Variants in PRKD1 observed in about 807,000 individuals in gnomAD.
The protein encoded by PRKD1 is serine/threonine-protein kinase D1.
A neutral mutation model predicts 95.9 loss-of-function variants in PRKD1; 63 were observed. The observed-to-expected ratio is 0.66, with a 90% CI of 0.54 to 0.81. The LOEUF is 0.81. Among genes scored for constraint, PRKD1 ranks in the 30% least tolerant of loss-of-function variants. The pLI is 0.00. For synonymous variants in PRKD1, 425 were observed against 423.1 expected, an observed-to-expected ratio of 1.00 and a Z score of -0.05; for missense variants, 1,048 against 1,165.3, an observed-to-expected ratio of 0.90 and a Z score of 1.47.
intron 1 of PRKD1, among the ~76,000 whole-genome samples, chr14:29,849,700 G>T (rs1188610603): frequency 6.6e-6 from 1 of 151,342 alleles, no homozygotes; most frequent in African/African-American, 2.4e-5. Context: ...TAGAGGCAAA[G>T]AACTCTATCC....
intron 2 of PRKD1, among the ~76,000 whole-genome samples, chr14:29,674,075 T>G (rs1445506466): frequency 1.3e-5 from 2 of 151,698 alleles, no homozygotes; most frequent in African/African-American, 4.8e-5. Flanking sequence ...TCACAAAAAG[T>G]TTTTAGCACA....
chr14:29,601,862 C>T (rs1893533141), intron 13 of PRKD1, among the ~76,000 whole-genome samples: 1 of 152,126 alleles, frequency 6.6e-6, no homozygotes, highest in Admixed American at 6.6e-5. Flanking sequence ...CTGCACAGAC[C>T]ACTGGCCTCT....
intron 1 of PRKD1, among the ~76,000 whole-genome samples, chr14:29,856,726 G>C (rs2139350159): frequency 6.6e-6 from 1 of 152,304 alleles, no homozygotes; most frequent in South Asian, 2.1e-4. Context: ...AAGGCCTGCT[G>C]AAGTTTGGGT....
intron 1 of PRKD1, among the ~76,000 whole-genome samples, chr14:29,858,881 T>C (rs550168859): frequency 3.7e-4 from 56 of 152,272 alleles, no homozygotes; most frequent in African/African-American, 1.3e-3. Context: ...CTATAACCTA[T>C]TGCACCTATA....
chr14:29,774,157 T>C (rs1403286643), intron 1 of PRKD1, among the ~76,000 whole-genome samples: 1 of 152,186 alleles, frequency 6.6e-6, no homozygotes, highest in Non-Finnish European at 1.5e-5. Flanking sequence ...ACTGAAAGTA[T>C]AAATGTGCAG....
intron 1 of PRKD1, among the ~76,000 whole-genome samples, chr14:29,852,050 G>T (rs1307845758): frequency 6.6e-6 from 1 of 152,052 alleles, no homozygotes; most frequent in Non-Finnish European, 1.5e-5. Flanking sequence ...TGAACATAAA[G>T]ATAGGAACAA....
chr14:29,779,461 G>A (rs1888936702), intron 1 of PRKD1, among the ~76,000 whole-genome samples: 2 of 152,200 alleles, frequency 1.3e-5, no homozygotes, highest in East Asian at 1.9e-4. Flanking sequence ...AAATCAATGT[G>A]CAAAAATCAC....
At chr14:29,738,832 CTTTTTTTT>C (rs71443330) in intron 1 of PRKD1, among the ~76,000 whole-genome samples, 2 of 137,454 alleles carry the variant, frequency 1.5e-5, no homozygotes, top group African/African-American at 2.7e-5. Context: ...TTTCTTTTTT[CTTTTTTTT>C]TTTTTGGAGA....
At chr14:29,616,485 A>C (rs1878872645) in intron 13 of PRKD1, among the ~76,000 whole-genome samples, 1 of 151,442 alleles carries the variant, frequency 6.6e-6, no homozygotes, top group South Asian at 2.1e-4. Context: ...ACTCTGTTGC[A>C]CAGGCTGGAG....
rs1566623047 is a variant in PRKD1 at position 29,826,822 on chromosome 14, T to TACAC, written c.264+100426_264+100427insGTGT. Among the ~76,000 whole-genome samples, 42 of 29,468 alleles carry TACAC rather than the reference T, an allele frequency of 1.4e-3. 10 individuals carry two copies. The highest frequency in any genetic ancestry group is 4.9e-3 in the African/African-American group (36 of 7,386). 19.3% of individuals were successfully genotyped at this position (29,468 alleles called of 152,430 possible). On this transcript the variant is annotated intron_variant, in intron 1 of 17. Transcript: ENST00000331968. ...ATATACACATATATATACACATATA[T>TACAC]ATATATATATATATATACACACATA...
intron 2 of PRKD1, among the ~76,000 whole-genome samples, chr14:29,705,474 T>C (rs940599107): frequency 2.6e-5 from 4 of 151,972 alleles, no homozygotes; most frequent in African/African-American, 4.8e-5. Context: ...TTTGTCTTTA[T>C]TGAGATATAA....
chr14:29,924,595 G>A (rs1240267751), intron 1 of PRKD1, among the ~76,000 whole-genome samples: 3 of 152,134 alleles, frequency 2.0e-5, no homozygotes, highest in Non-Finnish European at 2.9e-5. Flanking sequence ...CAACAGATGT[G>A]GAAGACTCAG....
chr14:29,602,194 T>C (rs1321568605), intron 13 of PRKD1, among the ~76,000 whole-genome samples: 1 of 152,016 alleles, frequency 6.6e-6, no homozygotes, highest in Non-Finnish European at 1.5e-5. Flanking sequence ...CCTCTGTGTG[T>C]AGGCAGACGA....
At chr14:29,807,256 G>C (rs905762831) in intron 1 of PRKD1, among the ~76,000 whole-genome samples, 25 of 152,076 alleles carry the variant, frequency 1.6e-4, no homozygotes, top group African/African-American at 6.0e-4. Flanking sequence ...TATGGTTTGA[G>C]GTTTGGGGAT....
chr14:29,758,939 T>C (rs1371450273), intron 1 of PRKD1, among the ~76,000 whole-genome samples: 1 of 152,222 alleles, frequency 6.6e-6, no homozygotes, highest in Non-Finnish European at 1.5e-5. Flanking sequence ...TCACTTCTAC[T>C]AGAGAGTTTC....
In PRKD1 at chr14:29,614,500, C is replaced by T. The variant is rs570094888; in HGVS notation, c.1905+9652G>A. 3.3e-3 allele frequency among the ~76,000 whole-genome samples: 506 copies of T among 151,982 alleles called. 4 individuals carry two copies. The highest frequency in any genetic ancestry group is 0.02 in the Middle Eastern group (6 of 294). The stretch of plus-strand genomic sequence containing the variant: ...ACCAATTTATGAACTAAATTTAATT[C>T]GATTTCATTAAATAATGTATTTCCA... On this transcript the variant is annotated intron_variant, in intron 13 of 17. Transcript: ENST00000331968.
At chr14:29,910,339 A>G (rs1168483628) in intron 1 of PRKD1, among the ~76,000 whole-genome samples, 3 of 152,040 alleles carry the variant, frequency 2.0e-5, no homozygotes, top group Non-Finnish European at 4.4e-5. Context: ...AGCCCACCAG[A>G]AGGAATAAAC....
intron 1 of PRKD1, among the ~76,000 whole-genome samples, chr14:29,826,147 T>A (rs1329616448): frequency 6.7e-6 from 1 of 148,770 alleles, no homozygotes; most frequent in Admixed American, 6.9e-5. Flanking sequence ...TATATGGATG[T>A]ACATATATAC....
intron 10 of PRKD1, among the ~76,000 whole-genome samples, 175 bp from the exon 11 acceptor site, chr14:29,629,268 A>G (rs1217135212): frequency 1.3e-5 from 2 of 152,252 alleles, no homozygotes; most frequent in Non-Finnish European, 1.5e-5. Flanking sequence ...AAAATTACAT[A>G]TTCAACATAC....
Sources: gnomAD v4.1 joint callset for allele counts (sites outside exome capture counted in the v4.1 genomes callset) on GRCh38, gnomAD v4.1.1 for gene constraint, MANE v1.5 for transcripts, NCBI Gene and HGNC (gene_info 2026-07-23, HGNC 2026-07-21) for gene names.